PCED1B: variants seen among roughly 807,000 people sequenced by gnomAD.
The protein encoded by PCED1B is PC-esterase domain-containing protein 1B.
For missense variants in PCED1B, 573 were observed against 573.9 expected (o/e 1.00, Z 0.02); for synonymous variants, 251 against 246.1 (o/e 1.02, Z -0.19).
At chr12:47,202,392 G>A (rs1001514690) in intron 2 of PCED1B, among the ~76,000 whole-genome samples, 4 of 152,018 alleles carry the variant, frequency 2.6e-5, no homozygotes, top group African/African-American at 9.7e-5. Context: ...AACCATTACT[G>A]GCTTTTGCTA....
At chr12:47,087,794 A>G (rs1020493305) in intron 1 of PCED1B, among the ~76,000 whole-genome samples, 1 of 152,226 alleles carries the variant, frequency 6.6e-6, no homozygotes, top group African/African-American at 2.4e-5. Context: ...ACGGTCAGAG[A>G]TGAAAATTTT....
At chr12:47,228,863 A>G (rs1943712853) in intron 3 of PCED1B, among the ~76,000 whole-genome samples, 2 of 150,876 alleles carry the variant, frequency 1.3e-5, no homozygotes, top group South Asian at 4.2e-4. Flanking sequence ...ACCAGAGTGA[A>G]ACTCCGTCTC....
intron 2 of PCED1B, among the ~76,000 whole-genome samples, chr12:47,196,019 TAGTC>T (rs1287420377): frequency 1.3e-5 from 2 of 152,240 alleles, no homozygotes; most frequent in Non-Finnish European, 2.9e-5. Flanking sequence ...TTCCAAAGAT[TAGTC>T]AAACTAGGTG....
chr12:47,197,394 G>A (rs945080707), intron 2 of PCED1B, among the ~76,000 whole-genome samples: 20 of 149,604 alleles, frequency 1.3e-4, no homozygotes, highest in African/African-American at 4.7e-4. Flanking sequence ...ATCACCTGAG[G>A]TCAGGAGTTT....
At chr12:47,163,760 T>C (rs1278061648) in intron 2 of PCED1B, among the ~76,000 whole-genome samples, 1 of 152,216 alleles carries the variant, frequency 6.6e-6, no homozygotes, top group Non-Finnish European at 1.5e-5. Flanking sequence ...GAAAAGAGAT[T>C]TATTTAGCTC....
chr12:47,121,635 C>T (rs1463129486), intron 2 of PCED1B, among the ~76,000 whole-genome samples: 1 of 152,162 alleles, frequency 6.6e-6, no homozygotes. Context: ...CTTAAGTTGG[C>T]TGCTCTGCCT....
At chr12:47,202,278 T>G (rs1223605781) in intron 2 of PCED1B, among the ~76,000 whole-genome samples, 2 of 152,148 alleles carry the variant, frequency 1.3e-5, no homozygotes, top group Non-Finnish European at 2.9e-5. Context: ...CTGGATTGGT[T>G]AAAAGTCTGG....
chr12:47,148,984 C>T (rs959289591), intron 2 of PCED1B, among the ~76,000 whole-genome samples: 1 of 152,212 alleles, frequency 6.6e-6, no homozygotes, highest in East Asian at 1.9e-4. Flanking sequence ...CCACTGTCCT[C>T]ATTCCTTTAG....
intron 2 of PCED1B, among the ~76,000 whole-genome samples, chr12:47,124,909 A>G (rs983737846): frequency 1.3e-5 from 2 of 151,946 alleles, no homozygotes; most frequent in Non-Finnish European, 2.9e-5. Flanking sequence ...TATATTCTCA[A>G]TACAGGTTCT....
intron 2 of PCED1B, among the ~76,000 whole-genome samples, chr12:47,162,714 G>A (rs1045743038): frequency 6.6e-6 from 1 of 152,148 alleles, no homozygotes; most frequent in Non-Finnish European, 1.5e-5. Flanking sequence ...GTAACTCATA[G>A]AACAAGAACG....
intron 3 of PCED1B, among the ~76,000 whole-genome samples, chr12:47,226,014 T>C (rs1943621439): frequency 6.6e-6 from 1 of 152,206 alleles, no homozygotes; most frequent in Non-Finnish European, 1.5e-5. Flanking sequence ...ATGAAGCTAT[T>C]AAAAAATTAA....
In PCED1B at chr12:47,085,150, CG is replaced by C. The variant is rs201458294; in HGVS notation, c.-609+5426del. ...CAGAGCAAGACTCCGTCTCAAAACACGAAACAAAAAACCCATTTAACCTCTC... is the reference window on the plus strand; with the variant it reads ...CAGAGCAAGACTCCGTCTCAAAACACAAACAAAAAACCCATTTAACCTCTC... On this transcript the variant is annotated intron_variant, in intron 1 of 3. Transcript: ENST00000546455. Among the ~76,000 whole-genome samples the C allele has an allele frequency of 1.6e-4, 25 of 152,248 alleles. No individual in the cohort carries two copies. The East Asian group carries it at 3.5e-3, about 21-fold the overall frequency.
intron 2 of PCED1B, among the ~76,000 whole-genome samples, chr12:47,117,123 C>T (rs2137287936): frequency 6.6e-6 from 1 of 152,306 alleles, no homozygotes; most frequent in African/African-American, 2.4e-5. Flanking sequence ...GCTGGGATTA[C>T]AGAAAGGCGT....
rs117589091 is a variant in PCED1B at position 47,220,955 on chromosome 12, C to A, written c.-58+4266C>A. On this transcript the variant is annotated intron_variant, in intron 3 of 3. Coordinates refer to ENST00000546455, the MANE Select transcript of PCED1B (RefSeq NM_138371.3). ...CTGGGCTTATACAAACCCTATGGTT[C>A]CCTGCGGGCTTTCAGAAGATCCCAA... is the stretch of plus-strand genomic sequence containing the variant. Among the ~76,000 whole-genome samples, 320 of 152,230 alleles carry A rather than the reference C, an allele frequency of 2.1e-3. 2 individuals carry two copies. Among genetic ancestry groups the A allele is most frequent in the Middle Eastern group, 3.4e-3 (1 of 294 alleles).
intron 2 of PCED1B, among the ~76,000 whole-genome samples, chr12:47,214,735 G>A (rs149186123): frequency 2.5e-3 from 380 of 152,170 alleles, no homozygotes; most frequent in African/African-American, 8.7e-3. Context: ...TCTGAGAGCA[G>A]GACTCTTCCT....
chr12:47,175,635 G>A (rs1157655620), intron 2 of PCED1B, among the ~76,000 whole-genome samples: 1 of 151,990 alleles, frequency 6.6e-6, no homozygotes, highest in Non-Finnish European at 1.5e-5. Flanking sequence ...GTGCAATGGT[G>A]CAATCTCGGC....
At chr12:47,168,819 T>C (rs75277856) in intron 2 of PCED1B, among the ~76,000 whole-genome samples, 223 of 152,286 alleles carry the variant, frequency 1.5e-3, no homozygotes, top group African/African-American at 5.0e-3. Flanking sequence ...GTATTTAGAA[T>C]TTTTGTCATT....
chr12:47,193,385 T>C (rs1383389466), intron 2 of PCED1B, among the ~76,000 whole-genome samples: 3 of 152,146 alleles, frequency 2.0e-5, no homozygotes, highest in Non-Finnish European at 2.9e-5. Context: ...AATAATTCCC[T>C]GCTCACAATT....
chr12:47,178,849 A>AGAGT (rs1942007536), intron 2 of PCED1B, among the ~76,000 whole-genome samples: 1 of 146,648 alleles, frequency 6.8e-6, no homozygotes, highest in African/African-American at 2.5e-5. Context: ...CCTGGGCGAC[A>AGAGT]GAGTGAGACT....
Sources: gnomAD v4.1 joint callset for allele counts (sites outside exome capture counted in the v4.1 genomes callset) on GRCh38, gnomAD v4.1.1 for gene constraint, MANE v1.5 for transcripts, NCBI Gene and HGNC (gene_info 2026-07-23, HGNC 2026-07-21) for gene names.